Variants in QTMAN observed in about 807,000 individuals in gnomAD.
QTMAN encodes the protein tRNA-queuosine alpha-mannosyltransferase.
chr2:144,054,196 A>T, the QTMAN span, among the ~76,000 whole-genome samples: 1 of 152,152 alleles, frequency 6.6e-6, no homozygotes, highest in African/African-American at 2.4e-5. Context: ...TCAAAAAAAA[A>T]TTTAAAAACC....
the QTMAN span, among the ~76,000 whole-genome samples, chr2:144,209,989 C>T: frequency 1.1e-4 from 13 of 120,052 alleles, no homozygotes; most frequent in African/African-American, 4.2e-4. Flanking sequence ...AAAAGGCTTC[C>T]TTTTGATGTC....
At chr2:143,999,602 TGTCCATCC>T in the QTMAN span, among the ~76,000 whole-genome samples, 1 of 152,048 alleles carries the variant, frequency 6.6e-6, no homozygotes, top group Non-Finnish European at 1.5e-5. Flanking sequence ...CCTATCCACC[TGTCCATCC>T]ATCCATTCAT....
At chr2:144,290,113 A>T in the QTMAN span, among the ~76,000 whole-genome samples, 1 of 150,872 alleles carries the variant, frequency 6.6e-6, no homozygotes, top group Non-Finnish European at 1.5e-5. Flanking sequence ...CTTTTATGTT[A>T]CTTTTTTTTT....
chr2:144,229,351 T>C, the QTMAN span, among the ~76,000 whole-genome samples: 1 of 152,222 alleles, frequency 6.6e-6, no homozygotes, highest in Non-Finnish European at 1.5e-5. Flanking sequence ...ACTGTGGCAA[T>C]TCAAAGGAAA....
At chr2:143,974,769 A>G in the QTMAN span, among the ~76,000 whole-genome samples, 1 of 152,060 alleles carries the variant, frequency 6.6e-6, no homozygotes, top group Non-Finnish European at 1.5e-5. Context: ...AATCACTTTA[A>G]TGCTTTTAAG....
chr2:144,183,308 T>A, the QTMAN span, among the ~76,000 whole-genome samples: 2 of 152,164 alleles, frequency 1.3e-5, no homozygotes, highest in Non-Finnish European at 2.9e-5. Flanking sequence ...ATTCATCTAT[T>A]TGTGGCATCA....
the QTMAN span, among the ~76,000 whole-genome samples, chr2:144,272,543 G>A: frequency 6.6e-6 from 1 of 152,074 alleles, no homozygotes; most frequent in Non-Finnish European, 1.5e-5. Context: ...ACTCCCCTCT[G>A]TGGCTCCTTC....
At chr2:144,124,280 C>T in the QTMAN span, among the ~76,000 whole-genome samples, 2 of 152,116 alleles carry the variant, frequency 1.3e-5, no homozygotes, top group African/African-American at 4.8e-5. Context: ...AAGCCAGACA[C>T]ATCAAAGTTT....
At chr2:144,259,334 C>T in the QTMAN span, among the ~76,000 whole-genome samples, 4 of 151,978 alleles carry the variant, frequency 2.6e-5, no homozygotes, top group Non-Finnish European at 1.5e-5. Flanking sequence ...AATTTTTGTA[C>T]TTTTGGTAGA....
At chr2:144,330,180 G>A in the QTMAN span, among the ~76,000 whole-genome samples, 1 of 152,104 alleles carries the variant, frequency 6.6e-6, no homozygotes, top group Non-Finnish European at 1.5e-5. Context: ...ACAAAACATC[G>A]AATATACAAC....
the QTMAN span, among the ~76,000 whole-genome samples, chr2:144,191,264 C>T: frequency 1.3e-5 from 2 of 152,144 alleles, no homozygotes; most frequent in Non-Finnish European, 2.9e-5. Flanking sequence ...CCAATAGCCA[C>T]CTTATTCTCT....
the QTMAN span, among the ~76,000 whole-genome samples, chr2:144,292,313 T>C: frequency 1.3e-5 from 2 of 152,192 alleles, no homozygotes; most frequent in South Asian, 4.1e-4. Context: ...TTTAAGACTC[T>C]CTTTTCTTGT....
At chr2:143,977,180 A>G in the QTMAN span, among the ~76,000 whole-genome samples, 3 of 152,110 alleles carry the variant, frequency 2.0e-5, no homozygotes, top group African/African-American at 7.2e-5. Flanking sequence ...GACATTCAAG[A>G]TGGTAAGATG....
the QTMAN span, among the ~76,000 whole-genome samples, chr2:144,071,685 G>A: frequency 6.6e-6 from 1 of 152,034 alleles, no homozygotes; most frequent in Non-Finnish European, 1.5e-5. Flanking sequence ...GAGATGAAAG[G>A]CCCAACATCT....
At chr2:144,306,209 T>TA in the QTMAN span, among the ~76,000 whole-genome samples, 5 of 152,142 alleles carry the variant, frequency 3.3e-5, no homozygotes, top group South Asian at 2.1e-4. Context: ...ATTTTATCAC[T>TA]AAAAAAAGTG....
the QTMAN span, among the ~76,000 whole-genome samples, chr2:143,955,885 A>G: frequency 6.6e-6 from 1 of 152,194 alleles, no homozygotes; most frequent in African/African-American, 2.4e-5. Context: ...TTAGTATCAA[A>G]CCTGCATTCA....
chr2:144,214,015 T>A, the QTMAN span, among the ~76,000 whole-genome samples: 1 of 152,162 alleles, frequency 6.6e-6, no homozygotes. Flanking sequence ...CACTCACTTA[T>A]TTTAATGATT....
the QTMAN span, among the ~76,000 whole-genome samples, chr2:144,071,423 T>C: frequency 1.3e-5 from 2 of 152,198 alleles, no homozygotes; most frequent in African/African-American, 4.8e-5. Context: ...CATGGAATTT[T>C]ATATTTCACA....
chr2:143,942,930 C>A, the QTMAN span: 5 of 152,388 alleles, frequency 3.3e-5, no homozygotes, highest in Admixed American at 1.3e-4. Context: ...TATCTCCTAT[C>A]AAAAGATATA....
Sources: gnomAD v4.1 joint callset for allele counts (sites outside exome capture counted in the v4.1 genomes callset) on GRCh38, gnomAD v4.1.1 for gene constraint, MANE v1.5 for transcripts, NCBI Gene and HGNC (gene_info 2026-07-23, HGNC 2026-07-21) for gene names.